HACE1: variants seen among roughly 807,000 people sequenced by gnomAD.
HACE1 encodes HECT domain and ankyrin repeat containing E3 ubiquitin protein ligase 1.
HACE1 carries 73 observed loss-of-function variants against 118.4 expected under a neutral mutation model. The ratio of observed to expected loss-of-function variants is 0.62; its 90% confidence interval spans 0.51 to 0.75. The LOEUF (loss-of-function observed/expected upper bound fraction) is 0.75. HACE1 is among the 30% of genes least tolerant of loss of function. The pLI is 0.00. For synonymous variants in HACE1, 368 were observed against 374.8 expected (o/e 0.98, Z 0.21); for missense variants, 749 against 1,102.2 (o/e 0.68, Z 4.54).
intron 22 of HACE1, among the ~76,000 whole-genome samples, chr6:104,733,856 GA>G (rs1325035633): frequency 1.4e-5 from 2 of 146,642 alleles, no homozygotes; most frequent in Non-Finnish European, 1.5e-5. Flanking sequence ...AAAGAAAAGA[GA>G]AAAAAAAGAA....
chr6:104,776,008 T>C (rs1781197529), intron 17 of HACE1, among the ~76,000 whole-genome samples: 2 of 152,222 alleles, frequency 1.3e-5, no homozygotes, highest in Non-Finnish European at 2.9e-5. Context: ...CTTTATTAAG[T>C]TAGAGAGCTC....
intron 6 of HACE1, among the ~76,000 whole-genome samples, chr6:104,821,975 A>C (rs1772763433): frequency 6.6e-6 from 1 of 152,154 alleles, no homozygotes; most frequent in African/African-American, 2.4e-5. Flanking sequence ...TGGGAGACCA[A>C]AGTGGGAGGA....
intron 4 of HACE1, among the ~76,000 whole-genome samples, chr6:104,845,038 A>G (rs1775512287): frequency 6.6e-6 from 1 of 152,176 alleles, no homozygotes. Context: ...CATACAATAC[A>G]GTGTGTATAT....
intron 7 of HACE1, among the ~76,000 whole-genome samples, chr6:104,810,647 T>G (rs868574702): frequency 1.3e-5 from 2 of 152,038 alleles, no homozygotes; most frequent in Non-Finnish European, 2.9e-5. Flanking sequence ...CCTTAGGGAA[T>G]AGAGTTTATT....
intron 6 of HACE1, 26 bp downstream of exon 6, chr6:104,833,016 C>A (rs1774161648): frequency 1.2e-6 from 2 of 1,605,762 alleles, no homozygotes; most frequent in African/African-American, 2.7e-5. Flanking sequence ...ACACATGCAG[C>A]TTAAAGTCCT....
Position 104,767,351 on chromosome 6 carries a change from C to T in HACE1, c.2211+3842G>A, listed in dbSNP as rs143862467. Among the ~76,000 whole-genome samples, 19 of 152,210 alleles carry T rather than the reference C, an allele frequency of 1.2e-4. No individual in the cohort carries two copies. The East Asian group carries it at 3.5e-3, about 28-fold the overall frequency. On this transcript the variant is annotated intron_variant, in intron 19 of 23. Transcript: ENST00000262903. ...TACCAAGTTCTATAAATTCTATTAT[C>T]CTCAAAAGCTTAAAAGCTATTCCAT...
chr6:104,802,474 A>T (rs1186947861), intron 7 of HACE1, among the ~76,000 whole-genome samples: 1 of 152,138 alleles, frequency 6.6e-6, no homozygotes, highest in Non-Finnish European at 1.5e-5. Context: ...GAAGTAAAGC[A>T]CTCCTCAGCA....
intron 6 of HACE1, among the ~76,000 whole-genome samples, chr6:104,828,110 T>C (rs540424045): frequency 6.6e-6 from 1 of 152,164 alleles, no homozygotes; most frequent in African/African-American, 2.4e-5. Context: ...AACACATTTA[T>C]AAATCTTAAA....
chr6:104,791,465 T>C (rs759696945), intron 11 of HACE1, 39 bp downstream of exon 11: 2 of 1,552,144 alleles, frequency 1.3e-6, no homozygotes, highest in Non-Finnish European at 8.9e-7. Context: ...TCATCTCTTT[T>C]ACGTCTATCT....
chr6:104,828,344 G>A (rs1773534205), intron 6 of HACE1, among the ~76,000 whole-genome samples: 2 of 151,928 alleles, frequency 1.3e-5, no homozygotes, highest in Admixed American at 6.6e-5. Context: ...AATCATAATA[G>A]CAGTAGGTAT....
intron 17 of HACE1, among the ~76,000 whole-genome samples, chr6:104,772,907 G>A (rs1437842887): frequency 6.6e-6 from 1 of 151,958 alleles, no homozygotes; most frequent in Non-Finnish European, 1.5e-5. Flanking sequence ...TTGGGGTGAT[G>A]AAAAAGCTCT....
intron 14 of HACE1, among the ~76,000 whole-genome samples, chr6:104,782,910 T>C (rs968147761): frequency 6.6e-6 from 1 of 152,212 alleles, no homozygotes; most frequent in Non-Finnish European, 1.5e-5. Context: ...GTCCTACATA[T>C]CTGGCAAATT....
At chr6:104,749,909 T>C (rs191775452) in intron 20 of HACE1, among the ~76,000 whole-genome samples, 7 of 152,042 alleles carry the variant, frequency 4.6e-5, no homozygotes, top group African/African-American at 1.7e-4. Context: ...TATGGCAATA[T>C]AAGAAACTGG....
intron 6 of HACE1, among the ~76,000 whole-genome samples, chr6:104,821,524 T>C (rs1272704136): frequency 3.9e-5 from 6 of 152,150 alleles, no homozygotes; most frequent in Admixed American, 1.3e-4. Context: ...AACTATGTAA[T>C]GATATAACGT....
intron 6 of HACE1, among the ~76,000 whole-genome samples, chr6:104,831,834 A>G (rs573506036): frequency 1.3e-5 from 2 of 151,696 alleles, no homozygotes; most frequent in Non-Finnish European, 2.9e-5. Flanking sequence ...CGGAGCTTGC[A>G]GTGAGCCGAG....
At chr6:104,849,946 G>A (rs1427819068) in intron 3 of HACE1, among the ~76,000 whole-genome samples, 5 of 129,278 alleles carry the variant, frequency 3.9e-5, no homozygotes, top group South Asian at 2.6e-4. Flanking sequence ...CACCACGCCC[G>A]TCCTTTTTTT....
At chr6:104,798,664 T>A (rs1292335651) in intron 7 of HACE1, among the ~76,000 whole-genome samples, 1 of 152,166 alleles carries the variant, frequency 6.6e-6, no homozygotes, top group Non-Finnish European at 1.5e-5. Context: ...AAGCTCAAAG[T>A]GTTGGTCAAG....
At chr6:104,746,975 T>C (rs1033352688) in intron 20 of HACE1, among the ~76,000 whole-genome samples, 2 of 152,156 alleles carry the variant, frequency 1.3e-5, no homozygotes, top group African/African-American at 4.8e-5. Flanking sequence ...TTCATGAATA[T>C]CACATTAATT....
rs1028572277 is a variant in HACE1 at position 104,764,172 on chromosome 6, G to C, written c.2211+7021C>G. On this transcript the variant is annotated intron_variant, in intron 19 of 23. Transcript: ENST00000262903. ...GGTTCACTGCAACCTCCACTTCCCA[G>C]GTTCAAGCAATTCTCCTGCCTCAGC... Among the ~76,000 whole-genome samples, 4 of 152,278 alleles carry C rather than the reference G, an allele frequency of 2.6e-5. No individual in the cohort carries two copies. In the East Asian group the frequency reaches 7.8e-4, roughly 30 times the overall value.
Sources: gnomAD v4.1 joint callset for allele counts (sites outside exome capture counted in the v4.1 genomes callset) on GRCh38, gnomAD v4.1.1 for gene constraint, MANE v1.5 for transcripts, NCBI Gene and HGNC (gene_info 2026-07-23, HGNC 2026-07-21) for gene names.